SYT8: variants seen among roughly 807,000 people sequenced by gnomAD.
SYT8 encodes the protein synaptotagmin-8.
In SYT8, 50 loss-of-function variants were observed where a neutral mutation model predicts 34.9. That is an observed-to-expected ratio of 1.43 (90% CI 1.14 to 1.81). SYT8 has a LOEUF of 1.81. Among genes scored for constraint, SYT8 ranks in the 40% most tolerant of loss-of-function variants. The pLI is 0.00. For synonymous variants in SYT8, 255 were observed against 234.2 expected, an observed-to-expected ratio of 1.09 and a Z score of -0.81; for missense variants, 595 against 529.0, an observed-to-expected ratio of 1.12 and a Z score of -1.22.
At chr11:1,833,433 G>C (rs1402758891), upstream of SYT8, among the ~76,000 whole-genome samples, 1 of 152,254 alleles carries the variant, frequency 6.6e-6, no homozygotes, top group Non-Finnish European at 1.5e-5. Context: ...ATTAAACCAA[G>C]CAGGGACCCC....
rs759274293 is a variant in SYT8, at chr11:1,836,134, G to A, written c.366G>A (p.Val122=). ...ACCCCGCTGGCTCCCAGATCAGGGT[G>A]GGCCTGAGGCAGGCAGCCGACCTGA... ...EFDFGSQEIR[V]GLRQAADLRP... is the part of the protein sequence containing the mutation. The change falls in exon 4 of 8, where the codon GTG becomes GTA. Residue 122 remains valine, a synonymous_variant. Coordinates refer to ENST00000341958, the MANE Select transcript of SYT8 (RefSeq NM_001394072.1). 73 of 1,507,480 alleles carry A rather than the reference G, an allele frequency of 4.8e-5. No individual in the cohort carries two copies. Among genetic ancestry groups the A allele is most frequent in the Non-Finnish European group, 6.1e-5 (69 of 1,128,552 alleles). The allele number at this position is 1,507,480 out of a possible 1,614,324, so 93.4% of individuals were successfully genotyped here.
chr11:1,835,498 C>G, intron 2 of SYT8, 39 bp downstream of exon 2: 1 of 1,603,692 alleles, frequency 6.2e-7, no homozygotes, highest in South Asian at 1.1e-5. Flanking sequence ...CCAGAGAGGG[C>G]TTGAAATCCA....
chr11:1,835,321 C>T lies in SYT8; in HGVS notation c.120C>T (p.Gly40=), dbSNP rs372740172. 19 of 1,600,324 alleles carry T rather than the reference C, an allele frequency of 1.2e-5. No homozygotes were observed. The highest frequency in any genetic ancestry group is 2.7e-5 in the African/African-American group (2 of 74,684). The part of the protein sequence containing the change: ...TPWPRWALIA[G]ALAAGVLLVS... ...GGCCCCGCTGGGCTCTCATTGCCGG[C>T]GCCCTTGCCGCGGGCGTCCTCCTCG... Residue 40 remains glycine, a synonymous_variant, in exon 2 of 8, where the codon GGC becomes GGT. Transcript: ENST00000341958.
At chr11:1,834,478 G>A (rs189261600), upstream of SYT8, 105 of 1,216,678 alleles carry the variant, frequency 8.6e-5, no homozygotes, top group African/African-American at 1.4e-3. This position sits in a 1 kb window ranked among gnomAD's most constrained non-coding sequence, Gnocchi z 4.5. Flanking sequence ...GCCCAGGCCT[G>A]CTCAGTGAGC....
chr11:1,833,809 C>CGTGT (rs1565048962), upstream of SYT8: 1 of 145,330 alleles, frequency 6.9e-6, no homozygotes, highest in African/African-American at 2.7e-5. Context: ...ATGCTGTGTG[C>CGTGT]GCGTGCGTGT....
At chr11:1,835,563 CCA>C in intron 2 of SYT8, 104 bp downstream of exon 2, 4 of 1,374,028 alleles carry the variant, frequency 2.9e-6, no homozygotes, top group Non-Finnish European at 4.0e-6. Context: ...GGTTTAACCC[CCA>C]CAGAGGCAGG....
rs1415627741 is a variant in SYT8 at position 1,835,401 on chromosome 11, C to T, written c.200C>T (p.Pro67Leu). Residue 67 changes from proline to leucine, a missense_variant, in exon 2 of 8, where the codon CCC becomes CTC. Pro to Leu is a moderately conservative substitution (Grantham distance 98). Transcript: ENST00000341958. ...TGCTGCCGCCGCCACAGGAAGAAGC[C>T]CAGGGACAAGGAGTCCGTGGGTCTG... ...CCCCRRHRKK[P>L]RDKESVGLGS... The T allele has an allele frequency of 6.8e-6, 11 of 1,609,644 alleles. No individual in the cohort carries two copies. Among genetic ancestry groups the T allele is most frequent in the Non-Finnish European group, 8.5e-6 (10 of 1,179,566 alleles).
At chr11:1,835,766 G>A (rs2133018126) in intron 2 of SYT8, 120 bp from the exon 3 acceptor site, 2 of 903,172 alleles carry the variant, frequency 2.2e-6, no homozygotes, top group Non-Finnish European at 1.7e-6. Flanking sequence ...GTGCCTGTTG[G>A]GTGGCCTGGC....
upstream of SYT8, among the ~76,000 whole-genome samples, chr11:1,832,098 T>C (rs1846687693): frequency 6.6e-6 from 1 of 152,182 alleles, no homozygotes; most frequent in Admixed American, 6.5e-5. Context: ...CTCACCCCCG[T>C]TCTGCCTGGT....
chr11:1,835,420 G>A lies in SYT8; in HGVS notation c.219G>A (p.Val73=), dbSNP rs1291766580. The change falls in exon 2 of 8, where the codon GTG becomes GTA. Residue 73 remains valine (V), a synonymous_variant. Transcript: ENST00000341958. ...AGAAGCCCAGGGACAAGGAGTCCGT[G>A]GGTCTGGGCAGTGCCCGCGGCACCA... ...HRKKPRDKES[V]GLGSARGTTT... is the part of the protein sequence containing the mutation. 1 of 1,609,750 alleles carries A rather than the reference G, an allele frequency of 6.2e-7. No individual in the cohort carries two copies. Among genetic ancestry groups the A allele is most frequent in the Admixed American group, 1.7e-5 (1 of 59,928 alleles).
In SYT8 at chr11:1,836,189, C is replaced by A; in HGVS notation, c.421C>A (p.Arg141=). Residue 141 remains arginine (R), a synonymous_variant, in exon 4 of 8, where the codon CGG becomes AGG. Transcript: ENST00000341958. ...RPGGTVDPYA[R]VSVSTQAGHR... ...TGGGGGCACCGTGGACCCCTATGCC[C>A]GGGTCAGCGTCTCCACCCAGGCCGG... 1 of 1,576,452 alleles carries A rather than the reference C, an allele frequency of 6.3e-7. No individual in the cohort carries two copies. The highest frequency in any genetic ancestry group is 2.3e-5 in the East Asian group (1 of 43,150).
upstream of SYT8, chr11:1,834,916 G>A (rs1404536096): frequency 3.1e-6 from 2 of 644,976 alleles, no homozygotes; most frequent in Non-Finnish European, 5.3e-6. The surrounding 1 kb of genome is among the most constrained non-coding windows in gnomAD (Gnocchi z 4.5). Flanking sequence ...AGGGTCCAGA[G>A]CCTCCCTCCC....
At chr11:1,832,006 C>T (rs906498007), upstream of SYT8, 5 of 350,432 alleles carry the variant, frequency 1.4e-5, no homozygotes, top group Admixed American at 3.8e-5. Context: ...GAAACCATTC[C>T]GTATAGACTC....
chr11:1,836,226 A>G lies in SYT8; in HGVS notation c.458A>G (p.Glu153Gly). The change falls in exon 4 of 8, where the codon GAG (glutamate) becomes GGG (glycine). Residue 153 changes from glutamate (E) to glycine (G), a missense_variant. Glu to Gly is a moderately conservative substitution (Grantham distance 98). Transcript: ENST00000341958. ...TCCACCCAGGCCGGACACAGACATG[A>G]GACAAAAGTGCACCGAGGCACGCTC... is the stretch of plus-strand genomic sequence containing the variant. The part of the protein sequence containing the change: ...SVSTQAGHRH[E>G]TKVHRGTLCP... 3 of 1,594,536 alleles carry G rather than the reference A, an allele frequency of 1.9e-6. No individual in the cohort carries two copies. The highest frequency in any genetic ancestry group is 2.6e-6 in the Non-Finnish European group (3 of 1,171,498).
chr11:1,834,304 C>T (rs953278947), upstream of SYT8: 31 of 544,750 alleles, frequency 5.7e-5, no homozygotes, highest in Non-Finnish European at 8.1e-5. This position sits in a 1 kb window ranked among gnomAD's most constrained non-coding sequence, Gnocchi z 4.5. Context: ...ACCCACATGC[C>T]GAAGGGTGGC....
chr11:1,835,372 C>T lies in SYT8; in HGVS notation c.171C>T (p.Cys57=), dbSNP rs1330224124. 1.2e-6 allele frequency: 2 copies of T among 1,607,316 alleles called. No individual in the cohort carries two copies. The highest frequency in any genetic ancestry group is 8.5e-7 in the Non-Finnish European group (1 of 1,179,158). ...TCTCCTGCCTCCTCTGTGCTGCCTG[C>T]TGCTGCTGCCGCCGCCACAGGAAGA... is the stretch of plus-strand genomic sequence containing the variant. ...LLVSCLLCAA[C]CCCRRHRKKP... is the part of the protein sequence containing the mutation. Residue 57 remains cysteine, a synonymous_variant, in exon 2 of 8, where the codon TGC becomes TGT. Transcript: ENST00000341958.
chr11:1,836,914 C>T (rs748143485), intron 6 of SYT8, 43 bp from the exon 7 acceptor site: 9 of 1,612,752 alleles, frequency 5.6e-6, no homozygotes, highest in African/African-American at 2.7e-5. Context: ...CCGTGCTCAG[C>T]CCCGAGCCCT....
chr11:1,834,505 C>A, upstream of SYT8: 1 of 1,460,668 alleles, frequency 6.8e-7, no homozygotes, highest in Non-Finnish European at 9.4e-7. This position sits in a 1 kb window ranked among gnomAD's most constrained non-coding sequence, Gnocchi z 4.5. Context: ...GACAGCCAGC[C>A]CTGCTCCTCC....
chr11:1,837,484 C>T lies in SYT8; in HGVS notation c.*53C>T, dbSNP rs1847020999. 5 of 1,580,892 alleles carry T rather than the reference C, an allele frequency of 3.2e-6. No individual in the cohort carries two copies. Among genetic ancestry groups the T allele is most frequent in the Admixed American group, 1.8e-5 (1 of 56,730 alleles). Reference sequence around the variant, plus strand: ...TGAGCCCAGGCACTTGCCCAGGCCGCCCTGCAGGACCACTGCAATAAACGC... The same window carrying T: ...TGAGCCCAGGCACTTGCCCAGGCCGTCCTGCAGGACCACTGCAATAAACGC... On this transcript the variant is annotated 3_prime_UTR_variant, in exon 8 of 8. Coordinates refer to ENST00000341958, the MANE Select transcript of SYT8 (RefSeq NM_001394072.1).
Sources: allele counts gnomAD v4.1 joint callset (sites outside exome capture counted in the v4.1 genomes callset), GRCh38; gene constraint gnomAD v4.1.1; non-coding constraint Gnocchi (gnomAD v3.1); transcripts MANE v1.5; gene names NCBI Gene and HGNC (gene_info 2026-07-23, HGNC 2026-07-21).